Variants in VPS13B observed in about 807,000 individuals in gnomAD.
The protein encoded by VPS13B is vacuolar protein sorting 13 homolog B, also known as intermembrane lipid transfer protein VPS13B.
A neutral mutation model predicts 426.4 loss-of-function variants in VPS13B; 285 were observed. The observed-to-expected ratio is 0.67, with a 90% CI of 0.61 to 0.74. VPS13B has a LOEUF of 0.74. VPS13B is among the 30% of genes least tolerant of loss of function. The pLI is 0.00. For synonymous variants in VPS13B, 1,676 were observed against 1,676.4 expected, an observed-to-expected ratio of 1.00 and a Z score of 0.01; for missense variants, 4,537 against 4,782.6, an observed-to-expected ratio of 0.95 and a Z score of 1.51.
chr8:99,555,070 C>G (rs1366826453), intron 30 of VPS13B, among the ~76,000 whole-genome samples: 2 of 152,054 alleles, frequency 1.3e-5, no homozygotes, highest in Admixed American at 1.3e-4. Flanking sequence ...CCCCTTTTCC[C>G]GTGTTCATAA....
chr8:99,639,602 A>G (rs1829218654), intron 33 of VPS13B, among the ~76,000 whole-genome samples: 1 of 150,494 alleles, frequency 6.6e-6, no homozygotes, highest in African/African-American at 2.4e-5. Context: ...CACTTTCTTG[A>G]CTTATTTATT....
intron 19 of VPS13B, among the ~76,000 whole-genome samples, chr8:99,299,661 C>G (rs2133068007): frequency 6.6e-6 from 1 of 151,892 alleles, no homozygotes. Context: ...CCTGTAATCC[C>G]AGCACTTTGG....
At chr8:99,580,658 T>G (rs995228473) in intron 33 of VPS13B, among the ~76,000 whole-genome samples, 5 of 151,888 alleles carry the variant, frequency 3.3e-5, no homozygotes, top group African/African-American at 1.2e-4. Context: ...ACAATCAGCC[T>G]GGGCAGGATA....
At chr8:99,602,308 A>G (rs1827342554) in intron 33 of VPS13B, among the ~76,000 whole-genome samples, 1 of 152,200 alleles carries the variant, frequency 6.6e-6, no homozygotes, top group Non-Finnish European at 1.5e-5. Flanking sequence ...AGATGGTTGT[A>G]GATGGGTGGT....
At chr8:99,287,232 G>GTCTA (rs58719967) in intron 19 of VPS13B, among the ~76,000 whole-genome samples, 426 of 139,134 alleles carry the variant, frequency 3.1e-3, no homozygotes, top group Middle Eastern at 3.8e-3. Flanking sequence ...CTATCTGTCT[G>GTCTA]TCTATCTATC....
Position 99,441,379 on chromosome 8 carries a change from C to A in VPS13B, c.3211-1022C>A, listed in dbSNP as rs551224326. ...TGCTATTATCTTTTAAAAATGTAGTCTTTTTGCTAACATAGTTTCTTTGAA... is the reference window on the plus strand; with the variant it reads ...TGCTATTATCTTTTAAAAATGTAGTATTTTTGCTAACATAGTTTCTTTGAA... On this transcript the variant is annotated intron_variant, in intron 22 of 61. Transcript: ENST00000357162. 2.0e-5 allele frequency among the ~76,000 whole-genome samples: 3 copies of A among 152,138 alleles called. No homozygotes were observed. In the South Asian group the frequency reaches 6.2e-4, roughly 32 times the overall value.
At chr8:99,723,531 A>G (rs1177634066) in intron 39 of VPS13B, among the ~76,000 whole-genome samples, 2 of 152,126 alleles carry the variant, frequency 1.3e-5, no homozygotes, top group African/African-American at 4.8e-5. Flanking sequence ...CATTTTGGAT[A>G]AGGGATACTC....
intron 19 of VPS13B, chr8:99,340,344 C>T (rs1164843329): frequency 5.2e-6 from 2 of 387,322 alleles, no homozygotes; most frequent in Admixed American, 6.4e-5. Context: ...TATAGTATGC[C>T]TCATAGGCAG....
In VPS13B at chr8:99,066,255, T is replaced by C. The variant is rs1025991165; in HGVS notation, c.291+27689T>C. On this transcript the variant is annotated intron_variant, in intron 3 of 61. Coordinates refer to ENST00000357162, the MANE Select transcript of VPS13B (RefSeq NM_152564.5). ...CACGCTACCTGACTTCCAACTATCC[T>C]ACAAGGCTACAGTAACCAAAACAGC... Among the ~76,000 whole-genome samples the C allele has an allele frequency of 4.6e-5, 7 of 152,238 alleles. No individual in the cohort carries two copies. The East Asian group carries it at 1.3e-3, about 29-fold the overall frequency.
intron 3 of VPS13B, among the ~76,000 whole-genome samples, chr8:99,040,043 A>C (rs1424873286): frequency 1.3e-5 from 2 of 151,988 alleles, no homozygotes; most frequent in Non-Finnish European, 2.9e-5. Flanking sequence ...ATTTTTTTTC[A>C]AAGTCTGGAC....
At position 99,507,161 on chromosome 8, in the gene VPS13B, A is replaced by G; in HGVS notation, c.4182A>G (p.Gly1394=). The change falls in exon 28 of 62, where the codon GGA becomes GGG. Residue 1394 remains glycine (G), a synonymous_variant. Transcript: ENST00000357162. ...RSRPGEGWQS[G]HFEGVFLQCK... ...GGCCAGGGGAAGGTTGGCAGTCAGG[A>G]CATTTTGAAGGAGTATTTCTACAAT... 1 of 1,613,994 alleles carries G rather than the reference A, an allele frequency of 6.2e-7. No individual in the cohort carries two copies. The highest frequency in any genetic ancestry group is 8.5e-7 in the Non-Finnish European group (1 of 1,179,920).
chr8:99,423,251 A>G (rs1330358067), intron 21 of VPS13B, among the ~76,000 whole-genome samples: 1 of 151,812 alleles, frequency 6.6e-6, no homozygotes, highest in Non-Finnish European at 1.5e-5. Context: ...TTTATAGAAA[A>G]AGTATGTGTG....
At chr8:99,516,405 T>C (rs890820402) in intron 29 of VPS13B, among the ~76,000 whole-genome samples, 10 of 152,170 alleles carry the variant, frequency 6.6e-5, no homozygotes, top group Non-Finnish European at 1.0e-4. Context: ...TTAATGACTC[T>C]AGTAAGTTGG....
At chr8:99,314,881 C>A (rs1821223611) in intron 19 of VPS13B, among the ~76,000 whole-genome samples, 1 of 152,068 alleles carries the variant, frequency 6.6e-6, no homozygotes, top group Non-Finnish European at 1.5e-5. Flanking sequence ...TATATTATGA[C>A]CTTCTTTGTG....
intron 16 of VPS13B, among the ~76,000 whole-genome samples, chr8:99,173,575 A>G (rs1173427728): frequency 6.6e-6 from 1 of 152,180 alleles, no homozygotes; most frequent in Non-Finnish European, 1.5e-5. Context: ...AACTGTGTTC[A>G]TCAGTCTGGT....
chr8:99,686,588 C>T (rs1039909891), intron 35 of VPS13B, among the ~76,000 whole-genome samples: 8 of 151,978 alleles, frequency 5.3e-5, no homozygotes, highest in Admixed American at 3.9e-4. Flanking sequence ...CCTTCCCACT[C>T]CTCCCTCCAC....
intron 33 of VPS13B, among the ~76,000 whole-genome samples, chr8:99,588,454 G>T (rs1251841089): frequency 6.6e-6 from 1 of 151,742 alleles, no homozygotes; most frequent in Non-Finnish European, 1.5e-5. Flanking sequence ...CATGAGCATG[G>T]AATGTTCTTC....
In VPS13B at chr8:99,511,585, T is replaced by C. The variant is rs1051737710; in HGVS notation, c.4633+73T>C. ...AGAGACCTTAGTTTTCTGGGTTTTTTTGTTTCTTTTAAAAAATATGAGCAG... is the reference window on the plus strand; with the variant it reads ...AGAGACCTTAGTTTTCTGGGTTTTTCTGTTTCTTTTAAAAAATATGAGCAG... On this transcript the variant is annotated intron_variant, in intron 29 of 61. Coordinates refer to ENST00000357162, the MANE Select transcript of VPS13B (RefSeq NM_152564.5). 3.4e-6 allele frequency: 5 copies of C among 1,489,712 alleles called. No individual in the cohort carries two copies. The African/African-American group carries it at 5.7e-5, about 17-fold the overall frequency. The allele number at this position is 1,489,712 out of a possible 1,614,324, so 92.3% of individuals were successfully genotyped here. A position where few individuals can be genotyped will look rare whatever the true frequency, so the allele number is the denominator to read the frequency against.
At chr8:99,544,074 C>T (rs1390161150) in intron 30 of VPS13B, among the ~76,000 whole-genome samples, 26 of 147,186 alleles carry the variant, frequency 1.8e-4, no homozygotes, top group Admixed American at 2.0e-4. Context: ...AAATGTCCAA[C>T]AATGCTAGAC....
Sources: gnomAD v4.1 joint callset for allele counts (sites outside exome capture counted in the v4.1 genomes callset) on GRCh38, gnomAD v4.1.1 for gene constraint, MANE v1.5 for transcripts, NCBI Gene and HGNC (gene_info 2026-07-23, HGNC 2026-07-21) for gene names.